The following EPB41L5 variants were observed in gnomAD, a reference collection of about 807,000 sequenced individuals.
EPB41L5 encodes erythrocyte membrane protein band 4.1 like 5.
Under a neutral mutation model 106.6 loss-of-function variants are expected in EPB41L5, and 55 were observed. The ratio of observed to expected loss-of-function variants is 0.52; its 90% confidence interval spans 0.42 to 0.65. EPB41L5 has a LOEUF of 0.65. Among genes scored for constraint, EPB41L5 ranks in the 30% least tolerant of loss-of-function variants. The pLI, the probability that EPB41L5 is intolerant of heterozygous loss-of-function variation, is 0.00. For synonymous variants in EPB41L5, 297 were observed against 306.7 expected, an observed-to-expected ratio of 0.97 and a Z score of 0.33; for missense variants, 871 against 882.1, an observed-to-expected ratio of 0.99 and a Z score of 0.16.
In EPB41L5 at chr2:120,105,530, A is replaced by G. The variant is rs563459062; in HGVS notation, c.1337+4716A>G. 1.3e-5 allele frequency: 13 copies of G among 985,264 alleles called. No homozygotes were observed. In the Admixed American group the frequency reaches 2.5e-4, roughly 19 times the overall value. 61.0% of individuals were successfully genotyped at this position (985,264 alleles called of 1,614,324 possible). The stretch of plus-strand genomic sequence containing the variant: ...CTGAATGGTTGGTTGCAGTTTGTCC[A>G]TAGAAGACCTAAATAAGCAGAACTG... On this transcript the variant is annotated intron_variant, in intron 16 of 24. Coordinates refer to ENST00000263713, the MANE Select transcript of EPB41L5 (RefSeq NM_020909.4).
chr2:120,064,716 G>A (rs1280499352), intron 3 of EPB41L5, among the ~76,000 whole-genome samples: 1 of 152,166 alleles, frequency 6.6e-6, no homozygotes, highest in Non-Finnish European at 1.5e-5. Context: ...AGTGAAGAAA[G>A]AGAATCTTAC....
rs144921048 is a variant in EPB41L5 at position 120,144,225 on chromosome 2, A to G, written c.1728+1094A>G. Among the ~76,000 whole-genome samples, 115 of 152,316 alleles carry G rather than the reference A, an allele frequency of 7.6e-4. No individual in the cohort carries two copies. The East Asian group carries it at 0.019, about 25-fold the overall frequency. Reference sequence around the variant, plus strand: ...AGTAGGATTAGTGCTCTTATAAAAGAGCCTGGAGGGAACTTATTTAACCCT... The same window carrying G: ...AGTAGGATTAGTGCTCTTATAAAAGGGCCTGGAGGGAACTTATTTAACCCT... On this transcript the variant is annotated intron_variant, in intron 19 of 24. Transcript: ENST00000263713.
chr2:120,144,902 G>T (rs1686333194), intron 19 of EPB41L5, among the ~76,000 whole-genome samples: 2 of 152,106 alleles, frequency 1.3e-5, no homozygotes, highest in Admixed American at 1.3e-4. Context: ...ACATAAAATT[G>T]TCTCAATTCA....
intron 1 of EPB41L5, among the ~76,000 whole-genome samples, chr2:120,017,222 T>C (rs1292261572): frequency 6.6e-6 from 1 of 152,266 alleles, no homozygotes; most frequent in Non-Finnish European, 1.5e-5. Context: ...TAATTGTTGA[T>C]TTTTAAATTC....
Position 120,122,561 on chromosome 2 carries a change from C to T in EPB41L5, c.1338-5127C>T, listed in dbSNP as rs562913727. On this transcript the variant is annotated intron_variant, in intron 16 of 24. Transcript: ENST00000263713. ...TCTCTGTTTTGGTACCAGTACCATG[C>T]TGTTTTGGTTACTGTAGCCTTGTAG... 8.5e-5 allele frequency among the ~76,000 whole-genome samples: 13 copies of T among 152,284 alleles called. No individual in the cohort carries two copies. The South Asian group carries it at 2.5e-3, about 29-fold the overall frequency.
chr2:120,085,331 C>T (rs1035777508), intron 10 of EPB41L5, among the ~76,000 whole-genome samples: 1 of 152,114 alleles, frequency 6.6e-6, no homozygotes, highest in African/African-American at 2.4e-5. Context: ...TGTTAGTTTT[C>T]CTTCCAACAG....
At chr2:120,022,451 G>A (rs1245369967) in intron 2 of EPB41L5, among the ~76,000 whole-genome samples, 1 of 151,840 alleles carries the variant, frequency 6.6e-6, no homozygotes, top group African/African-American at 2.4e-5. Flanking sequence ...TTCTGTTCCT[G>A]TGTTAGTTTG....
intron 16 of EPB41L5, among the ~76,000 whole-genome samples, chr2:120,102,666 C>G (rs1198271474): frequency 6.6e-6 from 1 of 151,952 alleles, no homozygotes; most frequent in Non-Finnish European, 1.5e-5. Flanking sequence ...CTATTGCTTG[C>G]AGGTAACTTT....
intron 16 of EPB41L5, among the ~76,000 whole-genome samples, chr2:120,107,731 A>C (rs1423061241): frequency 6.6e-6 from 1 of 152,184 alleles, no homozygotes; most frequent in Admixed American, 6.5e-5. Flanking sequence ...TCCTCTGTTC[A>C]TACAATTTTT....
At chr2:120,106,783 G>A (rs575249169) in intron 16 of EPB41L5, 541 of 985,336 alleles carry the variant, frequency 5.5e-4, no homozygotes, top group Non-Finnish European at 6.0e-4. Flanking sequence ...TAAGATCATC[G>A]TCTCTTTTTG....
In EPB41L5 at chr2:120,176,629, G is replaced by C. The variant is rs1687927472; in HGVS notation, c.*1722G>C. ...TCTGAGTTTCACTGGTGGGGCTCTT[G>C]CCAGTTCTTAATTATAGGACATATT... On this transcript the variant is annotated 3_prime_UTR_variant, in exon 25 of 25. Transcript: ENST00000263713. The C allele has an allele frequency of 6.6e-6, 1 of 152,198 alleles. No individual in the cohort carries two copies. The highest frequency in any genetic ancestry group is 2.4e-5 in the African/African-American group (1 of 41,438). The allele number at this position is 152,198 out of a possible 1,614,324, so 9.4% of individuals were successfully genotyped here. A position where few individuals can be genotyped will look rare whatever the true frequency, so the allele number is the denominator to read the frequency against.
intron 2 of EPB41L5, among the ~76,000 whole-genome samples, chr2:120,031,350 T>C (rs1339071970): frequency 2.0e-5 from 3 of 152,172 alleles, no homozygotes; most frequent in Non-Finnish European, 4.4e-5. Flanking sequence ...CATTGGGTGG[T>C]AACAATACCT....
chr2:120,022,899 T>G (rs995554256), intron 2 of EPB41L5, among the ~76,000 whole-genome samples: 3 of 152,230 alleles, frequency 2.0e-5, no homozygotes, highest in Non-Finnish European at 4.4e-5. Context: ...GGTATCTCAT[T>G]GTGATTTTGA....
intron 3 of EPB41L5, among the ~76,000 whole-genome samples, chr2:120,067,033 C>T (rs771728562): frequency 2.0e-5 from 3 of 152,086 alleles, no homozygotes; most frequent in Non-Finnish European, 4.4e-5. Flanking sequence ...CGGAGCTGTT[C>T]CTATTCGGCC....
chr2:120,096,377 A>G (rs1438968793), intron 14 of EPB41L5, among the ~76,000 whole-genome samples: 1 of 152,170 alleles, frequency 6.6e-6, no homozygotes, highest in East Asian at 1.9e-4. Flanking sequence ...AGGAAGTGAA[A>G]TTTCTGTGAA....
rs1404364263 is a variant in EPB41L5, at chr2:120,160,895, A to G, written c.1808A>G (p.Glu603Gly). The part of the protein sequence containing the change: ...DAATNSAVLN[E>G]NNVPLPKESL... ...TTTCTTCCTAGTGCTGTGTTAAATG[A>G]GAATAATGTGCCCCTCCCCAAAGAG... Residue 603 changes from glutamate to glycine, a missense_variant, in exon 21 of 25, where the codon GAG becomes GGG. Coordinates refer to ENST00000263713, the MANE Select transcript of EPB41L5 (RefSeq NM_020909.4). 2.5e-6 allele frequency: 4 copies of G among 1,612,642 alleles called. No homozygotes were observed. In the African/African-American group the frequency reaches 5.3e-5, roughly 22 times the overall value.
chr2:120,036,988 C>A (rs1267974405), intron 2 of EPB41L5, among the ~76,000 whole-genome samples: 7 of 151,450 alleles, frequency 4.6e-5, no homozygotes, highest in Non-Finnish European at 7.4e-5. Context: ...CTGTCCAGAG[C>A]AGTTCAGCAG....
chr2:120,072,764 A>G (rs994966854), intron 3 of EPB41L5, among the ~76,000 whole-genome samples: 8 of 152,138 alleles, frequency 5.3e-5, no homozygotes, highest in African/African-American at 1.7e-4. Flanking sequence ...GGAACATCAC[A>G]TACTGGCGCC....
At chr2:120,082,188 A>C (rs528224945) in intron 10 of EPB41L5, among the ~76,000 whole-genome samples, 2 of 152,222 alleles carry the variant, frequency 1.3e-5, no homozygotes, top group Non-Finnish European at 2.9e-5. Context: ...GTCTTGTGCC[A>C]GTTTTCAAAG....
Sources: allele counts gnomAD v4.1 joint callset (sites outside exome capture counted in the v4.1 genomes callset), GRCh38; gene constraint gnomAD v4.1.1; transcripts MANE v1.5; gene names NCBI Gene and HGNC (gene_info 2026-07-23, HGNC 2026-07-21).